UIMC1: variants seen among roughly 807,000 people sequenced by gnomAD.
UIMC1 encodes the protein ubiquitin interaction motif containing 1.
In UIMC1, 42 loss-of-function variants were observed where a neutral mutation model predicts 84.9. The ratio of observed to expected loss-of-function variants is 0.49; its 90% confidence interval spans 0.39 to 0.64. The LOEUF is 0.64. Ranked by LOEUF, UIMC1 falls within the 30% of genes least tolerant of loss-of-function variation. The pLI, the probability that UIMC1 is intolerant of heterozygous loss-of-function variation, is 0.00. For synonymous variants in UIMC1, 281 were observed against 293.0 expected (o/e 0.96, Z 0.42); for missense variants, 825 against 847.6 (o/e 0.97, Z 0.33).
chr5:177,007,701 A>G (rs1581735423), upstream of UIMC1, among the ~76,000 whole-genome samples: 1 of 152,346 alleles, frequency 6.6e-6, no homozygotes, highest in South Asian at 2.1e-4. Context: ...AGTATATAAG[A>G]TGAACTAGAT....
Position 176,905,435 on chromosome 5 carries a change from G to A in UIMC1, c.2007C>T (p.Phe669=), listed in dbSNP as rs745592220. Residue 669 remains phenylalanine, a synonymous_variant, in exon 15 of 15, where the codon TTC becomes TTT. Transcript: ENST00000511320. ...GAGATTCATTTAAGTCACGACGTGT[G>A]AAAGAACTCTGCATCTCTCTGCTGC... ...AGCSREMQSS[F]TRRDLNESPV... 1.2e-6 allele frequency: 2 copies of A among 1,614,136 alleles called. No homozygotes were observed. Among genetic ancestry groups the A allele is most frequent in the Non-Finnish European group, 1.7e-6 (2 of 1,180,004 alleles).
chr5:177,011,590 G>GTAA (rs139175347), upstream of UIMC1, among the ~76,000 whole-genome samples: 5,349 of 150,634 alleles, frequency 0.036, 285 homozygotes, highest in African/African-American at 0.11. Context: ...CTTTAAAAAA[G>GTAA]TAATAATAAT....
chr5:176,913,296 T>A (rs1290422289), intron 10 of UIMC1, among the ~76,000 whole-genome samples: 1 of 152,192 alleles, frequency 6.6e-6, no homozygotes, highest in Non-Finnish European at 1.5e-5. Context: ...TATTATTACT[T>A]TTCCCCAGTT....
chr5:176,931,827 A>AT (rs1763121974), intron 10 of UIMC1, among the ~76,000 whole-genome samples: 1 of 152,154 alleles, frequency 6.6e-6, no homozygotes, highest in Non-Finnish European at 1.5e-5. Flanking sequence ...TCTACTAAAA[A>AT]TACAGGCGTG....
chr5:176,960,785 G>A, intron 6 of UIMC1, among the ~76,000 whole-genome samples: 1 of 57,698 alleles, frequency 1.7e-5, no homozygotes, highest in Non-Finnish European at 3.1e-5. Context: ...GCGATTGCAG[G>A]CACGCGCCGC....
At chr5:176,980,601 TTTTCA>T (rs1770883281) in intron 2 of UIMC1, among the ~76,000 whole-genome samples, 1 of 152,180 alleles carries the variant, frequency 6.6e-6, no homozygotes, top group Non-Finnish European at 1.5e-5. Flanking sequence ...GTAGTGTACA[TTTTCA>T]TTTCATATCT....
chr5:176,906,839 G>A (rs1241757650), intron 13 of UIMC1, among the ~76,000 whole-genome samples: 4 of 152,336 alleles, frequency 2.6e-5, no homozygotes, highest in East Asian at 1.9e-4. Flanking sequence ...GGGGCTTGTC[G>A]TATTCCCCTG....
chr5:176,995,305 T>C (rs916654510), intron 1 of UIMC1, among the ~76,000 whole-genome samples: 2 of 151,832 alleles, frequency 1.3e-5, no homozygotes, highest in African/African-American at 4.8e-5. Flanking sequence ...TCCCAGCACT[T>C]TGGGAGGTCG....
chr5:177,007,209 G>T (rs759673672), upstream of UIMC1, among the ~76,000 whole-genome samples: 6 of 151,668 alleles, frequency 4.0e-5, no homozygotes, highest in Non-Finnish European at 7.4e-5. Context: ...GCGTGGTGGC[G>T]CGTGCGTGTA....
Position 176,955,950 on chromosome 5 carries a change from G to C in UIMC1, c.1339+9C>G. 6.2e-7 allele frequency: 1 copy of C among 1,612,050 alleles called. No individual in the cohort carries two copies. The highest frequency in any genetic ancestry group is 1.1e-5 in the South Asian group (1 of 90,724). Reference sequence around the variant, plus strand: ...CAGAAATTCAGTAAAATCACAGTGGGGTACTTACCAGGACAAACAGTGATT... The same window carrying C: ...CAGAAATTCAGTAAAATCACAGTGGCGTACTTACCAGGACAAACAGTGATT... On this transcript the variant is annotated intron_variant, in intron 8 of 14. Transcript: ENST00000511320.
chr5:177,000,826 A>G (rs1240232100), intron 1 of UIMC1, among the ~76,000 whole-genome samples: 1 of 152,092 alleles, frequency 6.6e-6, no homozygotes, highest in Admixed American at 6.6e-5. Flanking sequence ...AGTAATGTCT[A>G]TTCAAATCTT....
At chr5:177,021,454 C>T (rs1368222666) in intron 1 of UIMC1, among the ~76,000 whole-genome samples, 1 of 151,974 alleles carries the variant, frequency 6.6e-6, no homozygotes, top group African/African-American at 2.4e-5. Context: ...GATGGGATAG[C>T]CAGACAAGGT....
At chr5:176,949,209 GCTGCACCCTTTTAA>G (rs1765532093) in intron 9 of UIMC1, among the ~76,000 whole-genome samples, 1 of 152,116 alleles carries the variant, frequency 6.6e-6, no homozygotes, top group African/African-American at 2.4e-5. Flanking sequence ...ATGTTGGTGT[GCTGCACCCTTTTAA>G]TGCAAACTTC....
At position 177,020,494 on chromosome 5, in the gene UIMC1, G is replaced by C. The variant is rs192998503; in HGVS notation, c.-9+1970C>G. 2.6e-5 allele frequency among the ~76,000 whole-genome samples: 4 copies of C among 152,128 alleles called. No homozygotes were observed. The South Asian group carries it at 6.2e-4, about 24-fold the overall frequency. On this transcript the variant is annotated intron_variant, in intron 1 of 5. Transcript: ENST00000509236. ...TGCCCAGGATGGAGTGCAGTGGCAC[G>C]ATCTCGGCTCACTGCAAGCTCCGCC...
chr5:176,926,425 A>G (rs540059721), intron 10 of UIMC1, among the ~76,000 whole-genome samples: 120 of 152,212 alleles, frequency 7.9e-4, no homozygotes, highest in African/African-American at 2.7e-3. Context: ...CTTGAGGTCA[A>G]GAGTTTGAGA....
In UIMC1 at chr5:176,983,309, G is replaced by A. The variant is rs558769308; in HGVS notation, c.-8-686C>T. 1.5e-4 allele frequency among the ~76,000 whole-genome samples: 23 copies of A among 148,470 alleles called. No individual in the cohort carries two copies. The South Asian group carries it at 2.8e-3, about 18-fold the overall frequency. ...GCTGATACTGCCACGATCTTGGCTC[G>A]CTGCAACCTCCCTGCCTCAGGCTCC... On this transcript the variant is annotated intron_variant, in intron 1 of 14. Coordinates refer to ENST00000511320, the MANE Select transcript of UIMC1 (RefSeq NM_001199298.2).
rs574719525 is a variant in UIMC1 at position 176,994,874 on chromosome 5, A to C, written c.-9+11776T>G. Among the ~76,000 whole-genome samples, 192 of 152,262 alleles carry C rather than the reference A, an allele frequency of 1.3e-3. 1 individual carries two copies. The highest frequency in any genetic ancestry group is 4.4e-3 in the African/African-American group (184 of 41,510). ...TGCACAGTAGGGAAAACAGGAACTT[A>C]CAAAACTTGTGAAACACAGGTATTT... On this transcript the variant is annotated intron_variant, in intron 1 of 14. Transcript: ENST00000511320.
At chr5:176,955,178 T>C (rs1018589663) in intron 8 of UIMC1, among the ~76,000 whole-genome samples, 10 of 152,238 alleles carry the variant, frequency 6.6e-5, no homozygotes, top group Non-Finnish European at 1.3e-4. Flanking sequence ...TCTTAGATGG[T>C]AAGTATCTTA....
At chr5:176,964,805 C>T (rs1025706230) in intron 6 of UIMC1, among the ~76,000 whole-genome samples, 2 of 152,152 alleles carry the variant, frequency 1.3e-5, no homozygotes, top group Admixed American at 1.3e-4. Flanking sequence ...GTCCCTCACC[C>T]CTCCCATTCC....
Sources: allele counts gnomAD v4.1 joint callset (sites outside exome capture counted in the v4.1 genomes callset), GRCh38; gene constraint gnomAD v4.1.1; transcripts MANE v1.5; gene names NCBI Gene and HGNC (gene_info 2026-07-23, HGNC 2026-07-21).